Variants in ANKDD1A observed in about 807,000 individuals in gnomAD.
The protein encoded by ANKDD1A is ankyrin repeat and death domain-containing protein 1A.
ANKDD1A carries 59 observed loss-of-function variants against 63.5 expected under a neutral mutation model. The ratio of observed to expected loss-of-function variants is 0.93; its 90% confidence interval spans 0.75 to 1.15. The LOEUF is 1.15. Among genes scored for constraint, ANKDD1A ranks in the 50% most tolerant of loss-of-function variants. The pLI is 0.00. For missense variants in ANKDD1A, 632 were observed against 656.4 expected, an observed-to-expected ratio of 0.96 and a Z score of 0.41; for synonymous variants, 266 against 263.9, an observed-to-expected ratio of 1.01 and a Z score of -0.08.
At chr15:64,921,465 C>T (rs1011658295) in intron 3 of ANKDD1A, among the ~76,000 whole-genome samples, 3 of 152,172 alleles carry the variant, frequency 2.0e-5, no homozygotes, top group Admixed American at 6.5e-5. Flanking sequence ...ACCTCCGTCT[C>T]CTGGGTTCAA....
chr15:64,917,400 C>T lies in ANKDD1A; in HGVS notation c.153C>T (p.Ala51=), dbSNP rs988692848. The T allele has an allele frequency of 1.2e-6, 2 of 1,610,308 alleles. No homozygotes were observed. Among genetic ancestry groups the T allele is most frequent in the Middle Eastern group, 2.1e-4 (1 of 4,850 alleles). ...TRARNHVGRV[A]LHWAAGAGHE... Reference sequence around the variant, plus strand: ...CCTCCGGGCAGGTGGGCAGGGTGGCCCTGCACTGGGCTGCAGGTGCAGGGC... The same window carrying T: ...CCTCCGGGCAGGTGGGCAGGGTGGCTCTGCACTGGGCTGCAGGTGCAGGGC... The change falls in exon 3 of 15, where the codon GCC becomes GCT. Residue 51 remains alanine (A), a synonymous_variant. Coordinates refer to ENST00000319580, the MANE Select transcript of ANKDD1A (RefSeq NM_182703.6).
At chr15:64,949,721 T>G (rs2085254074) in intron 13 of ANKDD1A, 120 bp from the exon 14 acceptor site, 1 of 1,445,544 alleles carries the variant, frequency 6.9e-7, no homozygotes, top group African/African-American at 1.4e-5. Context: ...TGGAGGCTTT[T>G]GGCCTCTTTC....
chr15:64,949,989 C>T lies in ANKDD1A; in HGVS notation c.1483+17C>T. On this transcript the variant is annotated intron_variant, in intron 14 of 14. Transcript: ENST00000319580. ...ACCTGGCTGGTAAGAGCGTACTCTG[C>T]TGGGCTGCTTCTCAGGAGCTGGGTG... The T allele has an allele frequency of 1.2e-6, 2 of 1,605,900 alleles. No homozygotes were observed. The highest frequency in any genetic ancestry group is 1.7e-6 in the Non-Finnish European group (2 of 1,178,068).
intron 13 of ANKDD1A, among the ~76,000 whole-genome samples, chr15:64,948,325 A>T (rs1369862356): frequency 6.6e-6 from 1 of 152,234 alleles, no homozygotes; most frequent in Non-Finnish European, 1.5e-5. Context: ...AAAAAGTATC[A>T]TATAAATATC....
chr15:64,951,891 CTT>C (rs550565038), intron 14 of ANKDD1A, among the ~76,000 whole-genome samples: 2 of 62,832 alleles, frequency 3.2e-5, no homozygotes, highest in Admixed American at 3.0e-4. Context: ...TTCCTTCTTT[CTT>C]TTTCTTTTCT....
In ANKDD1A at chr15:64,942,499, G is replaced by A. The variant is rs767889319; in HGVS notation, c.900G>A (p.Arg300=). 4 of 1,613,580 alleles carry A rather than the reference G, an allele frequency of 2.5e-6. No individual in the cohort carries two copies. Among genetic ancestry groups the A allele is most frequent in the Admixed American group, 3.3e-5 (2 of 59,954 alleles). The change falls in exon 10 of 15, where the codon AGG becomes AGA. Residue 300 remains arginine, a synonymous_variant. Coordinates refer to ENST00000319580, the MANE Select transcript of ANKDD1A (RefSeq NM_182703.6). ...QGASPLHLAV[R]HNFPALVRLL... ...CCTCTCCTCTGCACCTCGCTGTGAGGCACAACTTCCCTGCCTTGGTCCGGC... is the reference window on the plus strand; with the variant it reads ...CCTCTCCTCTGCACCTCGCTGTGAGACACAACTTCCCTGCCTTGGTCCGGC...
chr15:64,950,258 C>CTATA (rs1398004574), intron 14 of ANKDD1A: 1 of 985,306 alleles, frequency 1.0e-6, no homozygotes, highest in Non-Finnish European at 1.2e-6. Flanking sequence ...TACCAGCCCT[C>CTATA]TATACCTTGA....
chr15:64,925,092 G>A (rs1305962787), intron 4 of ANKDD1A, among the ~76,000 whole-genome samples: 3 of 151,958 alleles, frequency 2.0e-5, no homozygotes, highest in Non-Finnish European at 2.9e-5. Flanking sequence ...GCCGGGCGTG[G>A]TGGTGGCTGC....
In ANKDD1A at chr15:64,948,030, C is replaced by T. The variant is rs752039286; in HGVS notation, c.1351+437C>T. Among the ~76,000 whole-genome samples the T allele has an allele frequency of 1.4e-4, 16 of 111,554 alleles. No individual in the cohort carries two copies. In the Admixed American group the frequency reaches 1.8e-3, roughly 12 times the overall value. 73.2% of individuals were successfully genotyped at this position (111,554 alleles called of 152,430 possible). A position where few individuals can be genotyped will look rare whatever the true frequency, so the allele number is the denominator to read the frequency against. On this transcript the variant is annotated intron_variant, in intron 13 of 14. Transcript: ENST00000319580. ...GATGGAATACTTAATATACATAGGA[C>T]GTCCAGAGGAATCAACTAAAAAAAT...
intron 3 of ANKDD1A, among the ~76,000 whole-genome samples, chr15:64,920,545 A>G (rs373701485): frequency 1.8e-4 from 27 of 152,030 alleles, no homozygotes; most frequent in African/African-American, 6.0e-4. Context: ...AAGATATTCT[A>G]TGGGATATTT....
Position 64,915,822 on chromosome 15 carries a change from C to A in ANKDD1A, c.60C>A (p.His20Gln), listed in dbSNP as rs761863018. Residue 20 changes from histidine (H) to glutamine (Q), a missense_variant, in exon 2 of 15, where the codon CAC (histidine) becomes CAA (glutamine). Transcript: ENST00000319580. The part of the protein sequence containing the change: ...DGLLPLERQL[H>Q]EAARQNNVGR... ...TGCTTCCTCTGGAGAGGCAGCTCCA[C>A]GAGGCCGCCCGCCAGAACAATGTCG... 1.6e-5 allele frequency: 26 copies of A among 1,614,008 alleles called. No individual in the cohort carries two copies. In the South Asian group the frequency reaches 2.4e-4, roughly 15 times the overall value.
chr15:64,951,696 C>CTTCCTTATTCTTTTCTTTTTCTTCG (rs1555397453), intron 14 of ANKDD1A, among the ~76,000 whole-genome samples: 3 of 16,074 alleles, frequency 1.9e-4, no homozygotes, highest in Middle Eastern at 0.056. Flanking sequence ...TCTTCCTCTT[C>CTTCCTTATTCTTTTCTTTTTCTTCG]TTCTTCCTTA....
rs776269135 is a variant in ANKDD1A, at chr15:64,942,471, G to T, written c.872G>T (p.Gly291Val). The part of the protein sequence containing the change: ...GGCANVVDHQ[G>V]ASPLHLAVRH... Reference sequence around the variant, plus strand: ...TCCGTGTATCTCCTCCCACAGCAGGGTGCCTCTCCTCTGCACCTCGCTGTG... The same window carrying T: ...TCCGTGTATCTCCTCCCACAGCAGGTTGCCTCTCCTCTGCACCTCGCTGTG... Residue 291 changes from glycine (G) to valine (V), a missense_variant, in exon 10 of 15, where the codon GGT becomes GTT. Physicochemically the swap from Gly to Val is moderately radical, Grantham distance 109. Coordinates refer to ENST00000319580, the MANE Select transcript of ANKDD1A (RefSeq NM_182703.6). 9.3e-6 allele frequency: 15 copies of T among 1,611,164 alleles called. No individual in the cohort carries two copies. The South Asian group carries it at 1.5e-4, about 17-fold the overall frequency.
Position 64,954,821 on chromosome 15 carries a change from CTTCT to C in ANKDD1A, c.1484-2279_1484-2276del, listed in dbSNP as rs577551804. Among the ~76,000 whole-genome samples, 1,059 of 146,692 alleles carry C rather than the reference CTTCT, an allele frequency of 7.2e-3. 7 individuals are homozygous for C. The highest frequency in any genetic ancestry group is 0.011 in the Non-Finnish European group (766 of 66,798). ...GTTGTTCTTCTTCCTTGTTCTTCTC[CTTCT>C]TTTTGTTGTTCTTTCTTCTTCCTTC... On this transcript the variant is annotated intron_variant, in intron 14 of 14. Coordinates refer to ENST00000319580, the MANE Select transcript of ANKDD1A (RefSeq NM_182703.6).
intron 9 of ANKDD1A, among the ~76,000 whole-genome samples, chr15:64,939,160 A>G (rs2085160303): frequency 6.6e-6 from 1 of 151,358 alleles, no homozygotes; most frequent in Non-Finnish European, 1.5e-5. Context: ...TAGGCTAGGC[A>G]TGGTAGCTTG....
chr15:64,952,009 C>T (rs140292318), intron 14 of ANKDD1A, among the ~76,000 whole-genome samples: 1,699 of 147,788 alleles, frequency 0.011, 72 homozygotes, highest in Admixed American at 0.07. Flanking sequence ...CTTTCTTCTT[C>T]CATCTTCTAT....
rs113112606 is a variant in ANKDD1A, at chr15:64,949,031, C to G, written c.1352-810C>G. Among the ~76,000 whole-genome samples the G allele has an allele frequency of 7.7e-3, 1,173 of 152,270 alleles. 52 individuals carry two copies. In the South Asian group the frequency reaches 0.12, roughly 16 times the overall value. The stretch of plus-strand genomic sequence containing the variant: ...ACTGCTGGGTCAAGCGGAAGTGCCA[C>G]CACACCAAGGGCAGTACCGTGAGGA... On this transcript the variant is annotated intron_variant, in intron 13 of 14. Coordinates refer to ENST00000319580, the MANE Select transcript of ANKDD1A (RefSeq NM_182703.6).
At chr15:64,954,186 CCTTCTTTCTTGT>C in intron 14 of ANKDD1A, among the ~76,000 whole-genome samples, 1 of 50,172 alleles carries the variant, frequency 2.0e-5, no homozygotes, top group Non-Finnish European at 5.9e-5. Context: ...TTCTTCTTCT[CCTTCTTTCTTGT>C]TCCTTATTCT....
intron 9 of ANKDD1A, among the ~76,000 whole-genome samples, chr15:64,939,573 C>T (rs2085163853): frequency 6.6e-6 from 1 of 152,154 alleles, no homozygotes; most frequent in Non-Finnish European, 1.5e-5. Flanking sequence ...TATGATCACA[C>T]ACTGCGCTCC....
Sources: allele counts gnomAD v4.1 joint callset (sites outside exome capture counted in the v4.1 genomes callset), GRCh38; gene constraint gnomAD v4.1.1; transcripts MANE v1.5; gene names NCBI Gene and HGNC (gene_info 2026-07-23, HGNC 2026-07-21).